GPC5: variants seen among roughly 807,000 people sequenced by gnomAD.
GPC5 encodes the protein glypican 5.
GPC5 carries 47 observed loss-of-function variants against 53.9 expected under a neutral mutation model. The observed-to-expected ratio is 0.87, with a 90% CI of 0.69 to 1.11. The LOEUF (loss-of-function observed/expected upper bound fraction) is 1.11, where lower values mean the gene tolerates loss of function less well. Among genes scored for constraint, GPC5 ranks in the 50% most tolerant of loss-of-function variants. The pLI, the probability that GPC5 is intolerant of heterozygous loss-of-function variation, is 0.00. For missense variants in GPC5, 748 were observed against 713.1 expected (o/e 1.05, Z -0.56); for synonymous variants, 286 against 263.3 (o/e 1.09, Z -0.84).
chr13:92,611,772 C>T (rs1380119196), intron 7 of GPC5, among the ~76,000 whole-genome samples: 1 of 152,088 alleles, frequency 6.6e-6, no homozygotes, highest in Non-Finnish European at 1.5e-5. Flanking sequence ...ATTTCTCTTT[C>T]AGGCAATTGA....
intron 6 of GPC5, among the ~76,000 whole-genome samples, chr13:92,051,234 G>A (rs7998957): frequency 0.57 from 78,846 of 137,794 alleles, 22,242 homozygotes; most frequent in East Asian, 0.82. Context: ...ACGGAGTCTC[G>A]CTCTGTCACC....
chr13:92,636,038 T>C (rs1885394834), intron 7 of GPC5, among the ~76,000 whole-genome samples: 1 of 152,238 alleles, frequency 6.6e-6, no homozygotes, highest in Non-Finnish European at 1.5e-5. Context: ...AATTAAAATG[T>C]CACCTACTCT....
chr13:91,707,459 CA>C (rs199634487), intron 3 of GPC5, among the ~76,000 whole-genome samples: 4 of 151,640 alleles, frequency 2.6e-5, no homozygotes, highest in African/African-American at 4.8e-5. Context: ...ACCATCTCTA[CA>C]AAAAAAATAA....
chr13:92,747,523 T>C (rs981910036), intron 7 of GPC5, among the ~76,000 whole-genome samples: 1 of 151,898 alleles, frequency 6.6e-6, no homozygotes, highest in African/African-American at 2.4e-5. Context: ...GGGGTATGCA[T>C]TGACCTCCTC....
chr13:92,670,070 G>C (rs544235689), intron 7 of GPC5, among the ~76,000 whole-genome samples: 3 of 152,052 alleles, frequency 2.0e-5, no homozygotes, highest in Non-Finnish European at 2.9e-5. Context: ...GATTTCCAGC[G>C]CCTAGCACAG....
At chr13:91,910,093 T>C (rs2039595912) in intron 6 of GPC5, among the ~76,000 whole-genome samples, 1 of 152,180 alleles carries the variant, frequency 6.6e-6, no homozygotes, top group Admixed American at 6.5e-5. Flanking sequence ...TTTAGATTTT[T>C]ATAGAGGAGA....
chr13:92,255,761 A>G (rs1415159016), intron 7 of GPC5, among the ~76,000 whole-genome samples: 2 of 152,110 alleles, frequency 1.3e-5, no homozygotes, highest in African/African-American at 2.4e-5. Context: ...AAGTATTTGG[A>G]ACACTCACAA....
chr13:91,819,147 T>G (rs979669199), intron 5 of GPC5, among the ~76,000 whole-genome samples: 2 of 137,568 alleles, frequency 1.5e-5, no homozygotes, highest in African/African-American at 5.3e-5. Context: ...AAAAAAAATA[T>G]GCGCTTTTTT....
At chr13:91,927,642 C>T (rs1414460676) in intron 6 of GPC5, among the ~76,000 whole-genome samples, 1 of 152,048 alleles carries the variant, frequency 6.6e-6, no homozygotes, top group Non-Finnish European at 1.5e-5. Context: ...GGAAGAACAA[C>T]TTATGGAAGT....
chr13:91,455,835 A>T (rs1271501603), intron 2 of GPC5, among the ~76,000 whole-genome samples: 1 of 152,120 alleles, frequency 6.6e-6, no homozygotes, highest in East Asian at 1.9e-4. Flanking sequence ...TTCCCAAAAC[A>T]CACACACATT....
intron 6 of GPC5, among the ~76,000 whole-genome samples, chr13:92,058,754 A>T (rs1051390621): frequency 2.0e-4 from 30 of 151,772 alleles, no homozygotes; most frequent in Non-Finnish European, 4.1e-4. Flanking sequence ...AGGTTGCCCA[A>T]GCTGGTCTTG....
At chr13:92,050,159 A>T (rs1254701647) in intron 6 of GPC5, among the ~76,000 whole-genome samples, 2 of 152,188 alleles carry the variant, frequency 1.3e-5, no homozygotes, top group Non-Finnish European at 2.9e-5. Context: ...AATCTTTCTG[A>T]TTTCTTAGCA....
intron 7 of GPC5, among the ~76,000 whole-genome samples, chr13:92,542,739 T>C (rs1881971925): frequency 6.6e-6 from 1 of 152,076 alleles, no homozygotes; most frequent in African/African-American, 2.4e-5. Context: ...TCCTGAAGTG[T>C]ATTCCCGTTA....
chr13:92,567,504 G>T (rs1338610369), intron 7 of GPC5, among the ~76,000 whole-genome samples: 1 of 152,152 alleles, frequency 6.6e-6, no homozygotes, highest in Non-Finnish European at 1.5e-5. Flanking sequence ...CATGAATGCT[G>T]TGAATCAACT....
chr13:91,426,545 C>G (rs934103166), intron 1 of GPC5, among the ~76,000 whole-genome samples: 1 of 152,190 alleles, frequency 6.6e-6, no homozygotes, highest in African/African-American at 2.4e-5. Context: ...GGGAAGCCAA[C>G]AGTGCAGCCT....
intron 6 of GPC5, among the ~76,000 whole-genome samples, chr13:92,110,392 G>C (rs561959887): frequency 3.9e-5 from 6 of 152,204 alleles, no homozygotes; most frequent in African/African-American, 1.4e-4. Flanking sequence ...ATCATGTTTT[G>C]CTAAAAATCT....
At chr13:92,022,968 A>C (rs887847787) in intron 6 of GPC5, among the ~76,000 whole-genome samples, 1 of 151,980 alleles carries the variant, frequency 6.6e-6, no homozygotes, top group African/African-American at 2.4e-5. Flanking sequence ...ATAACACTAT[A>C]TTTTCCTAAG....
intron 7 of GPC5, among the ~76,000 whole-genome samples, chr13:92,803,287 T>C (rs1876975526): frequency 6.6e-6 from 1 of 151,936 alleles, no homozygotes; most frequent in African/African-American, 2.4e-5. Context: ...TTGAACTCTG[T>C]ATCAATAGCA....
intron 2 of GPC5, among the ~76,000 whole-genome samples, chr13:91,659,332 C>A (rs552034181): frequency 1.3e-4 from 20 of 152,234 alleles, no homozygotes; most frequent in Non-Finnish European, 4.4e-5. Flanking sequence ...CATTTAGATT[C>A]AATACTTTTA....
Sources: allele counts gnomAD v4.1 joint callset (sites outside exome capture counted in the v4.1 genomes callset), GRCh38; gene constraint gnomAD v4.1.1; transcripts MANE v1.5; gene names NCBI Gene and HGNC (gene_info 2026-07-23, HGNC 2026-07-21).